Variants in HMBOX1 observed in about 807,000 individuals in gnomAD.
HMBOX1 encodes homeobox containing 1.
Under a neutral mutation model 54.5 loss-of-function variants are expected in HMBOX1, and 14 were observed. That is an observed-to-expected ratio of 0.26 (90% confidence interval 0.17 to 0.40). HMBOX1 has a LOEUF of 0.40. Among genes scored for constraint, HMBOX1 ranks in the 10% least tolerant of loss-of-function variants. The pLI is 1.00. For synonymous variants in HMBOX1, 160 were observed against 181.0 expected, an observed-to-expected ratio of 0.88 and a Z score of 0.93; for missense variants, 332 against 514.4, an observed-to-expected ratio of 0.65 and a Z score of 3.43.
chr8:28,927,634 A>C (rs1263318983), intron 1 of HMBOX1, among the ~76,000 whole-genome samples: 2 of 152,226 alleles, frequency 1.3e-5, no homozygotes, highest in East Asian at 3.9e-4. Context: ...CCCACAACCC[A>C]GACACCTTCC....
chr8:28,904,362 C>T (rs1042346531), intron 1 of HMBOX1, among the ~76,000 whole-genome samples: 1 of 151,658 alleles, frequency 6.6e-6, no homozygotes, highest in African/African-American at 2.4e-5. Flanking sequence ...ATTCTCCTGC[C>T]TCAGCCTCCA....
intron 4 of HMBOX1, among the ~76,000 whole-genome samples, chr8:29,004,596 A>G (rs1383818080): frequency 6.6e-6 from 1 of 152,234 alleles, no homozygotes; most frequent in Non-Finnish European, 1.5e-5. Flanking sequence ...CTTCCTTTGA[A>G]TACCATGTGA....
At position 28,914,678 on chromosome 8, in the gene HMBOX1, G is replaced by T. The variant is rs546936017; in HGVS notation, c.-58+24000G>T. Reference sequence around the variant, plus strand: ...ATCCCTAACCTAAGTTAGAGGGTCAGTAACATTTGAATTAATAAAATAAAT... The same window carrying T: ...ATCCCTAACCTAAGTTAGAGGGTCATTAACATTTGAATTAATAAAATAAAT... On this transcript the variant is annotated intron_variant, in intron 1 of 9. Transcript: ENST00000287701. Among the ~76,000 whole-genome samples, 3 of 152,318 alleles carry T rather than the reference G, an allele frequency of 2.0e-5. No homozygotes were observed. In the East Asian group the frequency reaches 5.8e-4, roughly 29 times the overall value.
intron 2 of HMBOX1, among the ~76,000 whole-genome samples, chr8:28,969,742 A>G (rs1203297885): frequency 1.3e-5 from 2 of 152,156 alleles, no homozygotes; most frequent in East Asian, 1.9e-4. Context: ...TACCTAATCT[A>G]TTGTTCTGGT....
At chr8:28,939,581 C>G (rs1820985401) in intron 1 of HMBOX1, among the ~76,000 whole-genome samples, 1 of 152,008 alleles carries the variant, frequency 6.6e-6, no homozygotes, top group Admixed American at 6.5e-5. Context: ...CATCTCGGCT[C>G]ACTGCAATCT....
At position 29,025,093 on chromosome 8, in the gene HMBOX1, A is replaced by G. The variant is rs182831713; in HGVS notation, c.851+6180A>G. 3.1e-3 allele frequency among the ~76,000 whole-genome samples: 473 copies of G among 152,334 alleles called. 3 individuals are homozygous for G. Among genetic ancestry groups the G allele is most frequent in the African/African-American group, 0.011 (456 of 41,572 alleles). On this transcript the variant is annotated intron_variant, in intron 6 of 9. Coordinates refer to ENST00000287701, the MANE Select transcript of HMBOX1 (RefSeq NM_001135726.3). ...GCTTAGGAAGCTATTAGAGTAACCT[A>G]TGCATGACTGCTGAGGGTCTAAGCT...
intron 1 of HMBOX1, among the ~76,000 whole-genome samples, chr8:28,960,754 T>TTTTTTTTTTTTTTG (rs1825355883): frequency 9.7e-5 from 2 of 20,602 alleles, no homozygotes; most frequent in African/African-American, 1.6e-4. Flanking sequence ...TCTCTTTTTC[T>TTTTTTTTTTTTTTG]TTTTCTTTTT....
chr8:28,894,124 G>A (rs1051059347), intron 1 of HMBOX1, among the ~76,000 whole-genome samples: 1 of 152,102 alleles, frequency 6.6e-6, no homozygotes, highest in Non-Finnish European at 1.5e-5. Context: ...AATTAATTTT[G>A]TAGCTCACTT....
chr8:29,048,866 A>C (rs539870039), intron 8 of HMBOX1, 88 bp from the exon 9 acceptor site: 9 of 840,970 alleles, frequency 1.1e-5, no homozygotes, highest in African/African-American at 8.4e-5. Context: ...CATTCTAATT[A>C]ATTTCCTTAG....
At chr8:28,992,449 G>A (rs1383224144) in intron 4 of HMBOX1, among the ~76,000 whole-genome samples, 1 of 152,064 alleles carries the variant, frequency 6.6e-6, no homozygotes, top group East Asian at 1.9e-4. Flanking sequence ...GTTTCCTGAG[G>A]CTAAATATGT....
chr8:29,041,035 AC>A (rs1804731022), intron 6 of HMBOX1, among the ~76,000 whole-genome samples: 1 of 152,230 alleles, frequency 6.6e-6, no homozygotes, highest in South Asian at 2.1e-4. Flanking sequence ...ATAAATAGTT[AC>A]AGAATTGTAT....
intron 5 of HMBOX1, among the ~76,000 whole-genome samples, chr8:29,017,150 C>T (rs985026594): frequency 6.6e-6 from 1 of 152,198 alleles, no homozygotes; most frequent in East Asian, 1.9e-4. Context: ...TGGCAGAAGA[C>T]CCTGGGGACT....
intron 1 of HMBOX1, among the ~76,000 whole-genome samples, chr8:28,906,207 T>C (rs1221434050): frequency 6.6e-6 from 1 of 152,218 alleles, no homozygotes; most frequent in Non-Finnish European, 1.5e-5. Context: ...TTGTTAAAGT[T>C]GTTAATTACT....
At chr8:29,040,836 T>C (rs935595694) in intron 6 of HMBOX1, among the ~76,000 whole-genome samples, 10 of 152,310 alleles carry the variant, frequency 6.6e-5, no homozygotes, top group Middle Eastern at 3.4e-3. Flanking sequence ...AAAATACAGA[T>C]TAATTTTAAT....
At chr8:28,985,985 T>G (rs1168818836) in intron 4 of HMBOX1, among the ~76,000 whole-genome samples, 1 of 152,202 alleles carries the variant, frequency 6.6e-6, no homozygotes, top group Non-Finnish European at 1.5e-5. Flanking sequence ...GCACATTCTT[T>G]GGTTTCTGGA....
At chr8:28,988,331 T>G (rs1466286608) in intron 4 of HMBOX1, among the ~76,000 whole-genome samples, 1 of 152,244 alleles carries the variant, frequency 6.6e-6, no homozygotes, top group Admixed American at 6.5e-5. Context: ...CATTAATCAG[T>G]AGATGGACAT....
intron 9 of HMBOX1, among the ~76,000 whole-genome samples, chr8:29,049,956 C>T (rs989756509): frequency 1.2e-4 from 18 of 152,194 alleles, no homozygotes; most frequent in Non-Finnish European, 2.6e-4. Flanking sequence ...GTGCTGATCC[C>T]TTTGTAAATT....
At chr8:29,014,028 G>A (rs1563582268) in intron 5 of HMBOX1, among the ~76,000 whole-genome samples, 1 of 152,154 alleles carries the variant, frequency 6.6e-6, no homozygotes. Flanking sequence ...GGGAAGATGT[G>A]AAATTACTTT....
chr8:29,012,973 A>G (rs780155722), intron 5 of HMBOX1, among the ~76,000 whole-genome samples: 2 of 152,196 alleles, frequency 1.3e-5, no homozygotes, highest in African/African-American at 2.4e-5. Flanking sequence ...CTTTACATAT[A>G]TTCTGAGAAG....
Sources: gnomAD v4.1 joint callset for allele counts (sites outside exome capture counted in the v4.1 genomes callset) on GRCh38, gnomAD v4.1.1 for gene constraint, MANE v1.5 for transcripts, NCBI Gene and HGNC (gene_info 2026-07-23, HGNC 2026-07-21) for gene names.